TBCK: variants seen among roughly 807,000 people sequenced by gnomAD.
TBCK encodes the protein TBC domain-containing protein kinase-like protein.
A neutral mutation model predicts 113.4 loss-of-function variants in TBCK; 99 were observed. The ratio of observed to expected loss-of-function variants is 0.87; its 90% CI spans 0.74 to 1.03. TBCK has a LOEUF of 1.03. Among genes scored for constraint, TBCK ranks in the 50% least tolerant of loss-of-function variants. The probability of loss-of-function intolerance (pLI) is 0.00; values close to 1 mark genes in which losing one functional copy is unlikely to be tolerated. For synonymous variants in TBCK, 369 were observed against 370.8 expected (o/e 1.00, Z 0.05); for missense variants, 1,045 against 1,061.3 (o/e 0.98, Z 0.21).
chr4:106,117,828 T>C (rs1023418204), intron 23 of TBCK, among the ~76,000 whole-genome samples: 1 of 151,846 alleles, frequency 6.6e-6, no homozygotes, highest in African/African-American at 2.4e-5. Context: ...GCTAAACCGG[T>C]GAAACCCTGT....
intron 19 of TBCK, among the ~76,000 whole-genome samples, chr4:106,225,459 CTTTT>C: frequency 6.6e-6 from 1 of 151,836 alleles, no homozygotes; most frequent in African/African-American, 2.4e-5. Context: ...TCTTTTTGGT[CTTTT>C]TTTTGTTTGT....
At chr4:106,220,673 A>G (rs944533467) in intron 19 of TBCK, among the ~76,000 whole-genome samples, 2 of 152,148 alleles carry the variant, frequency 1.3e-5, no homozygotes, top group Non-Finnish European at 2.9e-5. Context: ...CTACTGCCAC[A>G]AAATGCATTC....
intron 22 of TBCK, among the ~76,000 whole-genome samples, chr4:106,179,369 T>G (rs2149769473): frequency 6.6e-6 from 1 of 152,176 alleles, no homozygotes; most frequent in African/African-American, 2.4e-5. Flanking sequence ...CTGATGCAGG[T>G]GTTTACTGCA....
intron 2 of TBCK, among the ~76,000 whole-genome samples, chr4:106,300,944 AAATAAATAAAT>A (rs1277550442): frequency 1.3e-5 from 2 of 152,054 alleles, no homozygotes; most frequent in East Asian, 3.9e-4. Flanking sequence ...TCTGAAAAAT[AAATAAATAAAT>A]AATAAATAAA....
chr4:106,107,025 G>A (rs1462340210), intron 24 of TBCK, among the ~76,000 whole-genome samples: 2 of 138,830 alleles, frequency 1.4e-5, no homozygotes, highest in Non-Finnish European at 3.2e-5. Flanking sequence ...AACCAACAAC[G>A]ATTTAAAAAA....
chr4:106,285,793 T>G (rs1192675536), intron 3 of TBCK, among the ~76,000 whole-genome samples: 1 of 152,172 alleles, frequency 6.6e-6, no homozygotes, highest in Admixed American at 6.5e-5. Flanking sequence ...CATCAGCCCT[T>G]CTTGCAGGTG....
intron 12 of TBCK, 32 bp downstream of exon 12, chr4:106,242,438 C>G (rs746977316): frequency 2.0e-6 from 3 of 1,526,074 alleles, no homozygotes; most frequent in Non-Finnish European, 2.7e-6. Flanking sequence ...AGAAAAAAAC[C>G]TAAAGCAGAA....
chr4:106,160,525 GGAAAT>G (rs1749644598), intron 23 of TBCK, among the ~76,000 whole-genome samples: 1 of 151,040 alleles, frequency 6.6e-6, no homozygotes, highest in African/African-American at 2.4e-5. Flanking sequence ...TAATCATCAG[GGAAAT>G]ATAAATCAAA....
intron 23 of TBCK, among the ~76,000 whole-genome samples, chr4:106,165,849 A>G (rs1393119326): frequency 1.3e-5 from 2 of 151,878 alleles, no homozygotes; most frequent in African/African-American, 4.8e-5. Flanking sequence ...CAGGCTTGAA[A>G]TTTGAAACCA....
chr4:106,085,126 G>A (rs1739349570), intron 25 of TBCK, among the ~76,000 whole-genome samples: 1 of 152,084 alleles, frequency 6.6e-6, no homozygotes, highest in Non-Finnish European at 1.5e-5. Context: ...TGGGCTAAAT[G>A]CCCCAATTAA....
chr4:106,297,326 C>T lies in TBCK; in HGVS notation c.194-2160G>A, dbSNP rs1766419637. On this transcript the variant is annotated intron_variant, in intron 2 of 25. Coordinates refer to ENST00000394708, the MANE Select transcript of TBCK (RefSeq NM_001163435.3). ...CTGTTAAAGTCTGTCCCCTTTAATA[C>T]TGTTTCAGTAAATGATATCACTATC... is the stretch of plus-strand genomic sequence containing the variant. Among the ~76,000 whole-genome samples the T allele has an allele frequency of 3.3e-5, 5 of 152,302 alleles. No individual in the cohort carries two copies. In the South Asian group the frequency reaches 6.2e-4, roughly 19 times the overall value.
At chr4:106,256,115 C>T (rs957183263) in intron 5 of TBCK, among the ~76,000 whole-genome samples, 3 of 152,144 alleles carry the variant, frequency 2.0e-5, no homozygotes, top group African/African-American at 4.8e-5. Context: ...AAGTGCACGT[C>T]CATTGGTCCA....
intron 3 of TBCK, among the ~76,000 whole-genome samples, chr4:106,263,891 G>T (rs973230614): frequency 6.6e-6 from 1 of 151,898 alleles, no homozygotes; most frequent in African/African-American, 2.4e-5. Flanking sequence ...CTATGCAAGA[G>T]GATATAATTG....
intron 25 of TBCK, among the ~76,000 whole-genome samples, chr4:106,094,198 G>A (rs748133233): frequency 2.6e-5 from 4 of 152,012 alleles, no homozygotes; most frequent in African/African-American, 4.8e-5. Flanking sequence ...ATACACACTC[G>A]CTCTAGGAAT....
chr4:106,228,798 C>G (rs997825809), intron 19 of TBCK, among the ~76,000 whole-genome samples: 1 of 151,840 alleles, frequency 6.6e-6, no homozygotes, highest in Admixed American at 6.6e-5. Context: ...GGTTTACTTT[C>G]AGTTTATTGA....
chr4:106,282,530 T>C (rs1764708152), intron 3 of TBCK, among the ~76,000 whole-genome samples: 1 of 152,124 alleles, frequency 6.6e-6, no homozygotes, highest in South Asian at 2.1e-4. Flanking sequence ...TTGATGTAGA[T>C]GATTATAGCT....
chr4:106,159,374 T>TA (rs1749491322), intron 23 of TBCK, among the ~76,000 whole-genome samples: 1 of 152,030 alleles, frequency 6.6e-6, no homozygotes, highest in Non-Finnish European at 1.5e-5. Flanking sequence ...ATCTTATATC[T>TA]AAAAAATACC....
At chr4:106,117,952 T>C (rs1024491077) in intron 23 of TBCK, among the ~76,000 whole-genome samples, 1 of 149,718 alleles carries the variant, frequency 6.7e-6, no homozygotes, top group African/African-American at 2.5e-5. Flanking sequence ...GAGCTTGCAG[T>C]GAGCCAACAT....
chr4:106,117,692 T>A (rs1471748429), intron 23 of TBCK, among the ~76,000 whole-genome samples: 2 of 152,124 alleles, frequency 1.3e-5, no homozygotes, highest in Admixed American at 1.3e-4. Flanking sequence ...TCTCTTGAAA[T>A]CTTATGTGAC....
Sources: gnomAD v4.1 joint callset for allele counts (sites outside exome capture counted in the v4.1 genomes callset) on GRCh38, gnomAD v4.1.1 for gene constraint, MANE v1.5 for transcripts, NCBI Gene and HGNC (gene_info 2026-07-23, HGNC 2026-07-21) for gene names.